HPS3: variants seen among roughly 807,000 people sequenced by gnomAD.
HPS3 encodes HPS3 biogenesis of lysosomal organelles complex 2 subunit 1.
Under a neutral mutation model 110.9 loss-of-function variants are expected in HPS3, and 79 were observed. That is an observed-to-expected ratio of 0.71 (90% CI 0.59 to 0.86). HPS3 has a LOEUF of 0.86. Among genes scored for constraint, HPS3 ranks in the 40% least tolerant of loss-of-function variants. The probability of loss-of-function intolerance (pLI) is 0.00; values close to 1 mark genes in which losing one functional copy is unlikely to be tolerated. For missense variants in HPS3, 1,197 were observed against 1,206.2 expected (o/e 0.99, Z 0.11); for synonymous variants, 428 against 451.0 (o/e 0.95, Z 0.65).
At chr3:149,161,471 C>A (rs1282850183) in intron 11 of HPS3, among the ~76,000 whole-genome samples, 2 of 123,464 alleles carry the variant, frequency 1.6e-5, no homozygotes, top group Non-Finnish European at 3.5e-5. Context: ...ATAATAAAAT[C>A]TGTACATGTT....
chr3:149,130,246 C>A, intron 1 of HPS3: 1 of 486,164 alleles, frequency 2.1e-6, no homozygotes, highest in African/African-American at 2.0e-5. Context: ...AAGCAAACAA[C>A]AACAAAAAAC....
At chr3:149,131,533 T>G (rs1174372860) in intron 1 of HPS3, among the ~76,000 whole-genome samples, 1 of 152,234 alleles carries the variant, frequency 6.6e-6, no homozygotes, top group Non-Finnish European at 1.5e-5. Context: ...CCATGAACTG[T>G]GCCCATGTGA....
chr3:149,151,597 AAAAAAAAAAAAAAAAAAAAG>A, intron 6 of HPS3, among the ~76,000 whole-genome samples: 1 of 142,172 alleles, frequency 7.0e-6, no homozygotes, highest in African/African-American at 2.7e-5. Context: ...TAAAAAAAAA[AAAAAAAAAAAAAAAAAAAAG>A]CCTCTTGACC....
rs187020416 is a variant in HPS3 at position 149,160,401 on chromosome 3, A to G, written c.2106+122A>G. On this transcript the variant is annotated intron_variant, in intron 11 of 16. Coordinates refer to ENST00000296051, the MANE Select transcript of HPS3 (RefSeq NM_032383.5). ...TCTTGGTTGTAATGGAAAACAGACA[A>G]TATTAGAAACAAAGTGATCCAAATG... The G allele has an allele frequency of 1.8e-5, 13 of 727,010 alleles. No individual in the cohort carries two copies. The Admixed American group carries it at 1.9e-4, about 11-fold the overall frequency. The allele number at this position is 727,010 out of a possible 1,614,324, so 45.0% of individuals were successfully genotyped here. A position where few individuals can be genotyped will look rare whatever the true frequency, so the allele number is the denominator to read the frequency against.
At chr3:149,145,599 T>A in intron 5 of HPS3, 53 bp downstream of exon 5, 1 of 1,386,050 alleles carries the variant, frequency 7.2e-7, no homozygotes, top group South Asian at 1.2e-5. Flanking sequence ...TGTAAATTTT[T>A]GAGGTACTTC....
At chr3:149,153,045 A>T (rs1195168089) in intron 6 of HPS3, among the ~76,000 whole-genome samples, 6 of 152,192 alleles carry the variant, frequency 3.9e-5, no homozygotes. Context: ...CTCTACAAGC[A>T]GTAGAATGTC....
At position 149,162,261 on chromosome 3, in the gene HPS3, G is replaced by C. The variant is rs1465298673; in HGVS notation, c.2220G>C (p.Leu740Phe). ...ALHLKETQPG[L>F]LVASVLGLQK... is the part of the protein sequence containing the mutation. ...ACTTGAAGGAAACTCAGCCTGGATT[G>C]CTTGTGGCTTCAGTTCTGGGCTTGC... Residue 740 changes from leucine to phenylalanine, a missense_variant, in exon 12 of 17, where the codon TTG becomes TTC. Coordinates refer to ENST00000296051, the MANE Select transcript of HPS3 (RefSeq NM_032383.5). The C allele has an allele frequency of 1.9e-6, 3 of 1,613,890 alleles. No individual in the cohort carries two copies. The highest frequency in any genetic ancestry group is 2.5e-6 in the Non-Finnish European group (3 of 1,179,958).
Position 149,129,711 on chromosome 3 carries a change from G to C in HPS3, c.-13G>C. On this transcript the variant is annotated 5_prime_UTR_variant, in exon 1 of 17. Coordinates refer to ENST00000296051, the MANE Select transcript of HPS3 (RefSeq NM_032383.5). Reference sequence around the variant, plus strand: ...CAGGGCGGGCAGGCTGTGCCATCCCGCCGGACGTCGGGATGGTGCAGCTGT... The same window carrying C: ...CAGGGCGGGCAGGCTGTGCCATCCCCCCGGACGTCGGGATGGTGCAGCTGT... The C allele has an allele frequency of 2.6e-6, 4 of 1,568,104 alleles. No homozygotes were observed. The highest frequency in any genetic ancestry group is 2.6e-6 in the Non-Finnish European group (3 of 1,159,156).
chr3:149,153,429 A>G (rs1723254806), intron 6 of HPS3, 65 bp from the exon 7 acceptor site: 1 of 1,368,230 alleles, frequency 7.3e-7, no homozygotes, highest in African/African-American at 1.4e-5. Flanking sequence ...AAACTGACTG[A>G]TTTTTGAAGA....
At chr3:149,168,194 A>C in intron 16 of HPS3, 1 of 534,540 alleles carries the variant, frequency 1.9e-6, no homozygotes, top group Non-Finnish European at 3.4e-6. Context: ...CTTTTAACTT[A>C]ATCCTTTCAA....
At chr3:149,149,184 C>T (rs544317854) in intron 5 of HPS3, among the ~76,000 whole-genome samples, 2 of 149,544 alleles carry the variant, frequency 1.3e-5, no homozygotes, top group African/African-American at 2.5e-5. Flanking sequence ...AGGGTGGTCT[C>T]GATCTCCTGA....
rs757063812 is a variant in HPS3, at chr3:149,161,351, G to A, written c.2107-797G>A. 6.2e-4 allele frequency among the ~76,000 whole-genome samples: 95 copies of A among 152,032 alleles called. 1 individual carries two copies. The highest frequency in any genetic ancestry group is 1.2e-3 in the Admixed American group (19 of 15,266). On this transcript the variant is annotated intron_variant, in intron 11 of 16. Coordinates refer to ENST00000296051, the MANE Select transcript of HPS3 (RefSeq NM_032383.5). ...AAGTGGCATAGTATTTGCATATAAC[G>A]TATCTACTTTCTCCAATATACTTCA...
chr3:149,148,560 G>A (rs1559913907), intron 5 of HPS3, among the ~76,000 whole-genome samples: 2 of 151,738 alleles, frequency 1.3e-5, no homozygotes, highest in Admixed American at 6.6e-5. Context: ...CCATCACCAT[G>A]CCCGGCTAAT....
intron 6 of HPS3, among the ~76,000 whole-genome samples, chr3:149,153,132 C>T (rs1723236533): frequency 6.6e-6 from 1 of 152,184 alleles, no homozygotes; most frequent in Non-Finnish European, 1.5e-5. Context: ...TGGGGGTTTC[C>T]CTGGGTGGCA....
intron 1 of HPS3, among the ~76,000 whole-genome samples, chr3:149,139,118 G>C (rs370065864): frequency 1.1e-4 from 16 of 152,284 alleles, no homozygotes; most frequent in African/African-American, 3.6e-4. Flanking sequence ...AAATATATTT[G>C]AATGCTTATC....
intron 8 of HPS3, among the ~76,000 whole-genome samples, chr3:149,155,730 T>G (rs1723420964): frequency 6.6e-6 from 1 of 152,134 alleles, no homozygotes; most frequent in Non-Finnish European, 1.5e-5. Context: ...AACTCTTTAT[T>G]TTGAAACAAT....
chr3:149,161,316 T>C (rs556715155), intron 11 of HPS3, among the ~76,000 whole-genome samples: 1 of 152,148 alleles, frequency 6.6e-6, no homozygotes, highest in Non-Finnish European at 1.5e-5. Context: ...AAGCTAAAGT[T>C]GCTTATATAA....
rs1491008521 is a variant in HPS3, at chr3:149,131,139, AAC to A, written c.217+1201_217+1202del. Reference sequence around the variant, plus strand: ...GTTTATGTTAAAAAAAAAAAAAAAAAACAAAAAGTTGAATAAATAGATCAGTG... The same window carrying A: ...GTTTATGTTAAAAAAAAAAAAAAAAAAAAAAGTTGAATAAATAGATCAGTG... On this transcript the variant is annotated intron_variant, in intron 1 of 16. Transcript: ENST00000296051. 6.4e-3 allele frequency among the ~76,000 whole-genome samples: 956 copies of A among 149,456 alleles called. 18 individuals carry two copies. Among genetic ancestry groups the A allele is most frequent in the African/African-American group, 0.022 (881 of 39,990 alleles).
intron 1 of HPS3, among the ~76,000 whole-genome samples, chr3:149,134,163 C>A (rs1721938657): frequency 6.6e-6 from 1 of 152,154 alleles, no homozygotes; most frequent in Admixed American, 6.5e-5. Flanking sequence ...GGCCACGGAC[C>A]TGTTTGAAAA....
Sources: allele counts gnomAD v4.1 joint callset (sites outside exome capture counted in the v4.1 genomes callset), GRCh38; gene constraint gnomAD v4.1.1; transcripts MANE v1.5; gene names NCBI Gene and HGNC (gene_info 2026-07-23, HGNC 2026-07-21).